Variants in CRB2 observed in about 807,000 individuals in gnomAD.
CRB2 encodes protein crumbs homolog 2.
Under a neutral mutation model 110.9 loss-of-function variants are expected in CRB2, and 85 were observed. The observed-to-expected ratio is 0.77, with a 90% CI of 0.64 to 0.92. CRB2 has a LOEUF of 0.92. CRB2 is among the 40% of genes least tolerant of loss of function. The probability of loss-of-function intolerance (pLI) is 0.00; values close to 1 mark genes in which losing one functional copy is unlikely to be tolerated. For missense variants in CRB2, 1,843 were observed against 1,851.3 expected (o/e 1.00, Z 0.08); for synonymous variants, 907 against 831.0 (o/e 1.09, Z -1.57).
downstream of CRB2, chr9:123,380,311 T>TAAAC (rs1232437801): frequency 2.6e-5 from 4 of 152,630 alleles, no homozygotes; most frequent in East Asian, 1.9e-4. Flanking sequence ...AGAAAGATAA[T>TAAAC]AAACATTCAA....
chr9:123,372,219 A>C lies in CRB2; in HGVS notation c.2479A>C (p.Asn827His). The C allele has an allele frequency of 6.2e-7, 1 of 1,614,038 alleles. No individual in the cohort carries two copies. The highest frequency in any genetic ancestry group is 8.5e-7 in the Non-Finnish European group (1 of 1,180,014). The change falls in exon 9 of 13, where the codon AAT becomes CAT. Residue 827 changes from asparagine to histidine, a missense_variant. Asn to His is a moderately conservative substitution (Grantham distance 68). Transcript: ENST00000373631. Reference sequence around the variant, plus strand: ...TGGTGGGACTTGCCTCGTCACCTGGAATGACTTCCACTGTACCTGCCCTGC... The same window carrying C: ...TGGTGGGACTTGCCTCGTCACCTGGCATGACTTCCACTGTACCTGCCCTGC... ...FNGGTCLVTW[N>H]DFHCTCPANF...
Position 123,373,440 on chromosome 9 carries a change from C to T in CRB2, c.2909C>T (p.Thr970Ile), listed in dbSNP as rs1336424641. Residue 970 changes from threonine to isoleucine, a missense_variant, in exon 10 of 13, where the codon ACC becomes ATC. Transcript: ENST00000373631. ...RLAMERPAAT[T>I]SRWLLWLDGA... ...GCCATGGAGCGCCCGGCGGCCACCA[C>T]CTCGCGCTGGCTGCTGTGGCTGGAT... The T allele has an allele frequency of 6.2e-6, 9 of 1,448,460 alleles. No individual in the cohort carries two copies. The highest frequency in any genetic ancestry group is 3.0e-5 in the African/African-American group (2 of 67,454). The allele number at this position is 1,448,460 out of a possible 1,614,324, so 89.7% of individuals were successfully genotyped here.
chr9:123,375,400 A>C, intron 12 of CRB2, 57 bp downstream of exon 12: 3 of 1,513,446 alleles, frequency 2.0e-6, no homozygotes, highest in Non-Finnish European at 2.7e-6. Context: ...CCTTGGCGAG[A>C]TGCTGCTGGG....
chr9:123,376,014 C>T (rs1380684034), intron 12 of CRB2, among the ~76,000 whole-genome samples: 3 of 152,076 alleles, frequency 2.0e-5, no homozygotes, highest in Non-Finnish European at 4.4e-5. Flanking sequence ...CAAATCCCCT[C>T]CGCTTACGGG....
chr9:123,367,662 T>C lies in CRB2; in HGVS notation c.1030T>C (p.Cys344Arg). 1 of 1,564,912 alleles carries C rather than the reference T, an allele frequency of 6.4e-7. No homozygotes were observed. Among genetic ancestry groups the C allele is most frequent in the Non-Finnish European group, 8.7e-7 (1 of 1,155,552 alleles). Residue 344 changes from cysteine (C) to arginine (R), a missense_variant, in exon 6 of 13, where the codon TGT becomes CGT. By Grantham distance (180) the Cys-to-Arg change is radical (BLOSUM62 -3). Transcript: ENST00000373631. ...CCAGGACCTGCCCAATGGCTTCCAG[T>C]GTCACTGCCCAGATGGCTACGCAGG... The part of the protein sequence containing the change: ...HCQDLPNGFQ[C>R]HCPDGYAGPT...
intron 6 of CRB2, 80 bp from the exon 7 acceptor site, chr9:123,370,028 T>TA: frequency 6.8e-7 from 1 of 1,480,780 alleles, no homozygotes; most frequent in Non-Finnish European, 9.0e-7. Context: ...GTCCCCATCA[T>TA]AAGAGGCATG....
At position 123,371,464 on chromosome 9, in the gene CRB2, C is replaced by T; in HGVS notation, c.2322C>T (p.Gly774=). Residue 774 remains glycine (G), a synonymous_variant, in exon 8 of 13, where the codon GGC becomes GGT. Transcript: ENST00000373631. ...GCCTCCAGGACCTGCGACTCGATGG[C>T]TGCCACCTCCCCTTCTTTCCTCTGC... ...RGCLQDLRLD[G]CHLPFFPLPL... 1.2e-6 allele frequency: 2 copies of T among 1,613,218 alleles called. No homozygotes were observed. Among genetic ancestry groups the T allele is most frequent in the Non-Finnish European group, 1.7e-6 (2 of 1,180,034 alleles).
intron 1 of CRB2, among the ~76,000 whole-genome samples, chr9:123,357,340 G>T (rs1218383247): frequency 6.6e-6 from 1 of 151,960 alleles, no homozygotes; most frequent in African/African-American, 2.4e-5. Context: ...GGCTGGGGAG[G>T]GAGCCAAGGA....
chr9:123,360,972 C>T (rs751952813), intron 1 of CRB2, among the ~76,000 whole-genome samples: 1 of 152,114 alleles, frequency 6.6e-6, no homozygotes, highest in Non-Finnish European at 1.5e-5. Flanking sequence ...ACTCTGTCTC[C>T]CGGGCTCTGT....
chr9:123,356,488 G>C (rs2041800565), intron 1 of CRB2, 134 bp downstream of exon 1: 1 of 547,008 alleles, frequency 1.8e-6, no homozygotes, highest in Admixed American at 3.8e-5. Flanking sequence ...GGGTGCACAG[G>C]AGTGCGCGGC....
chr9:123,372,904 G>A (rs1045572384), intron 9 of CRB2, among the ~76,000 whole-genome samples: 2 of 152,194 alleles, frequency 1.3e-5, no homozygotes, highest in Non-Finnish European at 2.9e-5. Flanking sequence ...TAGGCATCAC[G>A]CCCCACCCCC....
At chr9:123,375,869 G>A (rs892714393) in intron 12 of CRB2, among the ~76,000 whole-genome samples, 4 of 152,140 alleles carry the variant, frequency 2.6e-5, no homozygotes, top group Non-Finnish European at 5.9e-5. Context: ...AGGCGCTGGA[G>A]CTGTGAACCT....
rs1157530806 is a variant in CRB2 at position 123,377,270 on chromosome 9, A to C, written c.*208A>C. ...GCCTAGAGAGGCTGCGGACTTCTCC[A>C]TCCCACCCTCGGGGTTCCGCCTTGG... On this transcript the variant is annotated 3_prime_UTR_variant, in exon 13 of 13. Coordinates refer to ENST00000373631, the MANE Select transcript of CRB2 (RefSeq NM_173689.7). 7.0e-6 allele frequency: 4 copies of C among 572,190 alleles called. No individual in the cohort carries two copies. In the Admixed American group the frequency reaches 9.8e-5, roughly 14 times the overall value. The allele number at this position is 572,190 out of a possible 1,614,324, so 35.4% of individuals were successfully genotyped here.
chr9:123,363,658 TC>T (rs1157660175), intron 2 of CRB2, among the ~76,000 whole-genome samples: 1 of 152,176 alleles, frequency 6.6e-6, no homozygotes, highest in Non-Finnish European at 1.5e-5. Context: ...ACCCCTGGCC[TC>T]TGGGTCTCCC....
Position 123,371,218 on chromosome 9 carries a change from C to T in CRB2, c.2076C>T (p.Ser692=), listed in dbSNP as rs13290763. The T allele has an allele frequency of 0.28, 447,768 of 1,613,782 alleles. 65,310 individuals carry two copies. The highest frequency in any genetic ancestry group is 0.3 in the Non-Finnish European group (354,901 of 1,179,976). Reference sequence around the variant, plus strand: ...TGTTGCTCCAGTTTGCCAATGACTCCGCAGCTGGCCTAACAGTATTCCTGA... The same window carrying T: ...TGTTGCTCCAGTTTGCCAATGACTCTGCAGCTGGCCTAACAGTATTCCTGA... The part of the protein sequence containing the change: ...AGLLLQFAND[S]AAGLTVFLSE... Residue 692 remains serine, a synonymous_variant, in exon 8 of 13, where the codon TCC becomes TCT. Transcript: ENST00000373631.
chr9:123,370,661 G>T lies in CRB2; in HGVS notation c.1608G>T (p.Trp536Cys). ...LHLATLELRLWHEGCPARLCV... is the reference protein window; with the variant it reads ...LHLATLELRLCHEGCPARLCV... Reference sequence around the variant, plus strand: ...TAGCGACCCTGGAGCTACGGCTCTGGCATGAGGGCTGCCCTGCCCGGCTCT... The same window carrying T: ...TAGCGACCCTGGAGCTACGGCTCTGTCATGAGGGCTGCCCTGCCCGGCTCT... The change falls in exon 7 of 13, where the codon TGG becomes TGT. Residue 536 changes from tryptophan (W) to cysteine (C), a missense_variant. By Grantham distance (215) the Trp-to-Cys change is radical (BLOSUM62 -2). Transcript: ENST00000373631. 6.2e-7 allele frequency: 1 copy of T among 1,607,652 alleles called. No homozygotes were observed.
chr9:123,362,750 G>A (rs2041882331), intron 1 of CRB2, 115 bp from the exon 2 acceptor site: 2 of 965,388 alleles, frequency 2.1e-6, no homozygotes, highest in South Asian at 3.2e-5. Flanking sequence ...TGTCCATACT[G>A]TGCATGCAGA....
rs2041931111 is a variant in CRB2, at chr9:123,366,303, C to CCCTGCGAGCACAACGCGT, written c.697_714dup (p.Glu233_Cys238dup). 2.6e-6 allele frequency: 4 copies of CCCTGCGAGCACAACGCGT among 1,527,262 alleles called. No homozygotes were observed. The highest frequency in any genetic ancestry group is 4.2e-5 in the Admixed American group (2 of 47,592). The allele number at this position is 1,527,262 out of a possible 1,614,324, so 94.6% of individuals were successfully genotyped here. On this transcript the variant is annotated inframe_insertion, in exon 4 of 13. Transcript: ENST00000373631. ...GGAGGTGCTGGAGTGCGCATCGGCG[C>CCCTGCGAGCACAACGCGT]CCTGCGAGCACAACGCGTCCTGCCT...
At position 123,365,916 on chromosome 9, in the gene CRB2, G is replaced by C. The variant is rs1564370880; in HGVS notation, c.419-1G>C. The C allele has an allele frequency of 6.3e-7, 1 of 1,591,794 alleles. No homozygotes were observed. On this transcript the variant is annotated splice_acceptor_variant, in intron 2 of 12. Coordinates refer to ENST00000373631, the MANE Select transcript of CRB2 (RefSeq NM_173689.7). LOFTEE classifies it high-confidence loss of function. Reference sequence around the variant, plus strand: ...CCCTGTGTGTCCCCTGCCCTGTCCAGGCGTGACCTGCGAGATGGAGGTGGA... The same window carrying C: ...CCCTGTGTGTCCCCTGCCCTGTCCACGCGTGACCTGCGAGATGGAGGTGGA...
Sources: allele counts gnomAD v4.1 joint callset (sites outside exome capture counted in the v4.1 genomes callset), GRCh38; gene constraint gnomAD v4.1.1; transcripts MANE v1.5; gene names NCBI Gene and HGNC (gene_info 2026-07-23, HGNC 2026-07-21).